Variants in CASZ1 observed in about 807,000 individuals in gnomAD.
CASZ1 encodes the protein zinc finger protein castor homolog 1.
In CASZ1, 28 loss-of-function variants were observed where a neutral mutation model predicts 135.2. That is an observed-to-expected ratio of 0.21 (90% confidence interval 0.15 to 0.28). CASZ1 has a LOEUF of 0.28. Ranked by LOEUF, CASZ1 falls within the 10% of genes least tolerant of loss-of-function variation. The pLI is 1.00. For missense variants in CASZ1, 2,161 were observed against 2,453.3 expected (o/e 0.88, Z 2.52); for synonymous variants, 1,068 against 1,073.4 (o/e 0.99, Z 0.10).
chr1:10,792,787 G>A (rs930727286), intron 1 of CASZ1, among the ~76,000 whole-genome samples: 1 of 144,998 alleles, frequency 6.9e-6, no homozygotes, highest in African/African-American at 2.6e-5. Context: ...ATACCAGACA[G>A]AGGTTATCGA....
At chr1:10,648,270 G>T in intron 15 of CASZ1, 131 bp from the exon 16 acceptor site, 2 of 676,678 alleles carry the variant, frequency 3.0e-6, no homozygotes, top group African/African-American at 1.8e-5. Context: ...AGCTCCAGAA[G>T]TCCCCTGTGA....
rs1419905889 is a variant in CASZ1, at chr1:10,697,613, C to G, written c.-23-3701G>C. ...TTACCCCCCCCGCACCCCCAAGTTG[C>G]CCACCTACACTCTCTCCCTCCCGAG... On this transcript the variant is annotated intron_variant, in intron 3 of 20. Coordinates refer to ENST00000377022, the MANE Select transcript of CASZ1 (RefSeq NM_001079843.3). This position sits in a 1 kb window ranked among gnomAD's most constrained non-coding sequence, Gnocchi z 4.7. 6.6e-6 allele frequency among the ~76,000 whole-genome samples: 1 copy of G among 151,740 alleles called. No homozygotes were observed. Among genetic ancestry groups the G allele is most frequent in the Non-Finnish European group, 1.5e-5 (1 of 67,968 alleles).
rs1050756803 is a variant in CASZ1, at chr1:10,747,117, G to T, written c.-77+13584C>A. Among the ~76,000 whole-genome samples the T allele has an allele frequency of 5.3e-5, 8 of 152,204 alleles. No individual in the cohort carries two copies. The highest frequency in any genetic ancestry group is 3.2e-3 in the Middle Eastern group (1 of 316). On this transcript the variant is annotated intron_variant, in intron 2 of 20. Coordinates refer to ENST00000377022, the MANE Select transcript of CASZ1 (RefSeq NM_001079843.3). This position sits in a 1 kb window ranked among gnomAD's most constrained non-coding sequence, Gnocchi z 4.3. ...TGGCAGTGCCATTCCCCTAACGCAA[G>T]GTAAGCACACACAGACCCTTTGCCC...
In CASZ1 at chr1:10,637,849, A is replaced by C. The variant is rs1642043075; in HGVS notation, c.*1093T>G. 3 of 152,274 alleles carry C rather than the reference A, an allele frequency of 2.0e-5. No individual in the cohort carries two copies. Among genetic ancestry groups the C allele is most frequent in the Admixed American group, 2.0e-4 (3 of 15,258 alleles). 9.4% of individuals were successfully genotyped at this position (152,274 alleles called of 1,614,324 possible). A position where few individuals can be genotyped will look rare whatever the true frequency, so the allele number is the denominator to read the frequency against. On this transcript the variant is annotated 3_prime_UTR_variant, in exon 21 of 21. Coordinates refer to ENST00000377022, the MANE Select transcript of CASZ1 (RefSeq NM_001079843.3). ...AAAAAAAAAAGCCCTATAAAGCCAC[A>C]CGCATCACCAAGAGAGAACTCAAAT...
rs541223538 is a variant in CASZ1, at chr1:10,676,488, C to T, written c.17-10917G>A. ...ACCAGGACAAAGAAGACACCAAGAG[C>T]CCCCGGGGAGGCCTCTCCACCATCC... On this transcript the variant is annotated intron_variant, in intron 4 of 20. Transcript: ENST00000377022. This position sits in a 1 kb window ranked among gnomAD's most constrained non-coding sequence, Gnocchi z 4.5. 6.6e-6 allele frequency among the ~76,000 whole-genome samples: 1 copy of T among 152,304 alleles called. No individual in the cohort carries two copies. Among genetic ancestry groups the T allele is most frequent in the African/African-American group, 2.4e-5 (1 of 41,562 alleles).
At chr1:10,640,157 A>G in intron 20 of CASZ1, 98 bp from the exon 21 acceptor site, 9 of 1,499,768 alleles carry the variant, frequency 6.0e-6, no homozygotes, top group Non-Finnish European at 8.0e-6. Flanking sequence ...GCATGGCGCC[A>G]GAGGGCGGCA....
rs1639872919 is a variant in CASZ1 at position 10,739,522 on chromosome 1, T to C, written c.-77+21179A>G. ...GCGCCCACTCAGGCTTCCAGACCTT[T>C]CCCTGAGCCCTCCGCCCCCCGGGCC... On this transcript the variant is annotated intron_variant, in intron 2 of 20. Transcript: ENST00000377022. The surrounding 1 kb of genome is among the most constrained non-coding windows in gnomAD (Gnocchi z 4.8). 6.6e-6 allele frequency among the ~76,000 whole-genome samples: 1 copy of C among 152,124 alleles called. No homozygotes were observed. The highest frequency in any genetic ancestry group is 1.5e-5 in the Non-Finnish European group (1 of 68,004).
intron 2 of CASZ1, among the ~76,000 whole-genome samples, chr1:10,746,031 C>T (rs141969775): frequency 3.3e-4 from 50 of 152,338 alleles, no homozygotes; most frequent in African/African-American, 1.1e-3. Flanking sequence ...GTGGCGTGCC[C>T]GGCCCACTGG....
intron 1 of CASZ1, among the ~76,000 whole-genome samples, chr1:10,768,955 A>G (rs532395147): frequency 1.3e-5 from 2 of 152,326 alleles, no homozygotes; most frequent in Admixed American, 6.5e-5. Context: ...AGCCTGTCCA[A>G]CATGGTGAAA....
At chr1:10,649,218 G>T (rs954846413) in intron 14 of CASZ1, 26 bp from the exon 15 acceptor site, 2 of 1,611,810 alleles carry the variant, frequency 1.2e-6, no homozygotes, top group Admixed American at 3.3e-5. Flanking sequence ...GGCGTTAGAG[G>T]AGAGCCTGGG....
chr1:10,702,401 C>T (rs144427827), intron 3 of CASZ1, among the ~76,000 whole-genome samples: 2 of 152,310 alleles, frequency 1.3e-5, no homozygotes, highest in Non-Finnish European at 2.9e-5. Context: ...CCTGAAGTGG[C>T]CACCATCATC....
At chr1:10,790,845 G>T (rs1419863124) in intron 1 of CASZ1, among the ~76,000 whole-genome samples, 3 of 152,046 alleles carry the variant, frequency 2.0e-5, no homozygotes, top group African/African-American at 7.3e-5. Flanking sequence ...TATAAGAGGG[G>T]GCGAGCGAGC....
rs1402775882 is a variant in CASZ1 at position 10,747,029 on chromosome 1, C to A, written c.-77+13672G>T. On this transcript the variant is annotated intron_variant, in intron 2 of 20. Transcript: ENST00000377022. This position sits in a 1 kb window ranked among gnomAD's most constrained non-coding sequence, Gnocchi z 4.3. ...ATGGCTTCTCCCCTCATAGCCCCCG[C>A]TAACCAGGAGTGGACGCCCAGAAGT... Among the ~76,000 whole-genome samples the A allele has an allele frequency of 6.6e-6, 1 of 152,258 alleles. No homozygotes were observed. Among genetic ancestry groups the A allele is most frequent in the Non-Finnish European group, 1.5e-5 (1 of 68,044 alleles).
At position 10,735,013 on chromosome 1, in the gene CASZ1, G is replaced by A. The variant is rs928454740; in HGVS notation, c.-77+25688C>T. ...GGCGGCCACATACTCTCAACTCCCC[G>A]CCCCATGACCAACGGGACCCTGGGA... On this transcript the variant is annotated intron_variant, in intron 2 of 20. Coordinates refer to ENST00000377022, the MANE Select transcript of CASZ1 (RefSeq NM_001079843.3). This position sits in a 1 kb window ranked among gnomAD's most constrained non-coding sequence, Gnocchi z 5.1. Among the ~76,000 whole-genome samples, 14 of 151,412 alleles carry A rather than the reference G, an allele frequency of 9.2e-5. No homozygotes were observed. Among genetic ancestry groups the A allele is most frequent in the African/African-American group, 3.1e-4 (13 of 41,274 alleles).
rs1471847959 is a variant in CASZ1, at chr1:10,700,809, G to A, written c.-24+4683C>T. On this transcript the variant is annotated intron_variant, in intron 3 of 20. Coordinates refer to ENST00000377022, the MANE Select transcript of CASZ1 (RefSeq NM_001079843.3). The surrounding 1 kb of genome is among the most constrained non-coding windows in gnomAD (Gnocchi z 4.2). ...GGTTTCTTCCTGGGGGAATGAAAAT[G>A]TTCTAAAATTAGATAGTGGTGATGA... Among the ~76,000 whole-genome samples, 1 of 152,186 alleles carries A rather than the reference G, an allele frequency of 6.6e-6. No homozygotes were observed. The highest frequency in any genetic ancestry group is 1.5e-5 in the Non-Finnish European group (1 of 68,032).
chr1:10,790,770 A>C (rs1034433117), intron 1 of CASZ1, among the ~76,000 whole-genome samples: 7 of 152,142 alleles, frequency 4.6e-5, no homozygotes, highest in Non-Finnish European at 1.0e-4. Context: ...ACACACAAAA[A>C]CCTTGGCTAT....
At position 10,665,565 on chromosome 1, in the gene CASZ1, C is replaced by T; in HGVS notation, c.23G>A (p.Gly8Asp). 1 of 1,558,110 alleles carries T rather than the reference C, an allele frequency of 6.4e-7. No homozygotes were observed. Among genetic ancestry groups the T allele is most frequent in the Non-Finnish European group, 8.6e-7 (1 of 1,157,918 alleles). MDLGTAE[G>D]TRCTDPPAGK... ...TGCAGGCGGGTCCGTGCACCGGGTG[C>T]CCTCAGCTGCAGGGATGGAGGAGAG... Residue 8 changes from glycine to aspartate, a missense_variant, in exon 5 of 21, where the codon GGC (glycine) becomes GAC (aspartate). Coordinates refer to ENST00000377022, the MANE Select transcript of CASZ1 (RefSeq NM_001079843.3).
rs1352858276 is a variant in CASZ1 at position 10,694,599 on chromosome 1, G to GCCA, written c.-23-688_-23-687insTGG. On this transcript the variant is annotated intron_variant, in intron 3 of 20. Transcript: ENST00000377022. The surrounding 1 kb of genome is among the most constrained non-coding windows in gnomAD (Gnocchi z 6.6). ...AGAGCGCGGCCCCGCCGCCGCCGCC[G>GCCA]CCGCCGCCGCCGCCGCCGCCGCCCG... 2.8e-5 allele frequency: 4 copies of GCCA among 141,258 alleles called. No individual in the cohort carries two copies. Among genetic ancestry groups the GCCA allele is most frequent in the Non-Finnish European group, 4.6e-5 (3 of 65,768 alleles). The allele number at this position is 141,258 out of a possible 1,614,324, so 8.8% of individuals were successfully genotyped here.
At chr1:10,751,131 G>C (rs1282710083) in intron 2 of CASZ1, among the ~76,000 whole-genome samples, 1 of 151,900 alleles carries the variant, frequency 6.6e-6, no homozygotes, top group Non-Finnish European at 1.5e-5. Flanking sequence ...TGTAAACCTT[G>C]TTTCAGATGC....
Sources: gnomAD v4.1 joint callset for allele counts (sites outside exome capture counted in the v4.1 genomes callset) on GRCh38, gnomAD v4.1.1 for gene constraint, Gnocchi (gnomAD v3.1) non-coding constraint, MANE v1.5 for transcripts, NCBI Gene and HGNC (gene_info 2026-07-23, HGNC 2026-07-21) for gene names.